CYYR1: variants seen among roughly 807,000 people sequenced by gnomAD.
CYYR1 encodes the protein cysteine and tyrosine-rich protein 1.
CYYR1 carries 14 observed loss-of-function variants against 15.2 expected under a neutral mutation model. The ratio of observed to expected loss-of-function variants is 0.92; its 90% CI spans 0.61 to 1.44. The LOEUF (loss-of-function observed/expected upper bound fraction) is 1.44. Among genes scored for constraint, CYYR1 ranks in the 40% most tolerant of loss-of-function variants. CYYR1 has a pLI of 0.00. For missense variants in CYYR1, 228 were observed against 209.5 expected (o/e 1.09, Z -0.54); for synonymous variants, 80 against 77.4 (o/e 1.03, Z -0.18).
chr21:26,483,068 C>T (rs1449879320), intron 2 of CYYR1, among the ~76,000 whole-genome samples: 8 of 151,968 alleles, frequency 5.3e-5, no homozygotes. Flanking sequence ...GATTCTCTAA[C>T]TCTTTTTTAA....
intron 3 of CYYR1, among the ~76,000 whole-genome samples, chr21:26,474,084 T>C (rs2123374728): frequency 6.6e-6 from 1 of 151,240 alleles, no homozygotes; most frequent in South Asian, 2.1e-4. Context: ...TCTTGCTCTG[T>C]TGCCCAGGCT....
chr21:26,482,130 G>T, intron 2 of CYYR1: 1 of 290,066 alleles, frequency 3.4e-6, no homozygotes, highest in Non-Finnish European at 5.1e-6. Context: ...ATTTGGGAAT[G>T]CAGATCTCTC....
At chr21:26,472,213 C>T (rs2065043927) in intron 3 of CYYR1, among the ~76,000 whole-genome samples, 1 of 152,262 alleles carries the variant, frequency 6.6e-6, no homozygotes, top group Non-Finnish European at 1.5e-5. Context: ...GCTGCATATT[C>T]TTCATAAGCT....
At chr21:26,507,301 T>A (rs1402141978) in intron 2 of CYYR1, among the ~76,000 whole-genome samples, 1 of 152,062 alleles carries the variant, frequency 6.6e-6, no homozygotes, top group Non-Finnish European at 1.5e-5. Context: ...CAATGTCCCA[T>A]CTCAGAACAT....
chr21:26,474,193 C>T (rs111570864), intron 3 of CYYR1, among the ~76,000 whole-genome samples: 3,964 of 151,498 alleles, frequency 0.026, 152 homozygotes, highest in African/African-American at 0.09. Flanking sequence ...ACTACAGGCC[C>T]ACAGGCGCCT....
chr21:26,477,117 A>T (rs1383569414), intron 3 of CYYR1, among the ~76,000 whole-genome samples: 1 of 152,096 alleles, frequency 6.6e-6, no homozygotes, highest in Non-Finnish European at 1.5e-5. Context: ...CACCTTTGCT[A>T]AATTATGCTC....
intron 2 of CYYR1, among the ~76,000 whole-genome samples, chr21:26,494,697 G>T (rs966124326): frequency 1.3e-5 from 2 of 151,872 alleles, no homozygotes; most frequent in African/African-American, 4.8e-5. Flanking sequence ...TACACAAACT[G>T]GGACATCACA....
intron 2 of CYYR1, among the ~76,000 whole-genome samples, chr21:26,542,302 T>TGC (rs1978627092): frequency 6.6e-6 from 1 of 151,262 alleles, no homozygotes; most frequent in Non-Finnish European, 1.5e-5. Context: ...TGTGTGTGTG[T>TGC]GTGTGTGTGT....
chr21:26,477,775 CT>C (rs2065123387), intron 3 of CYYR1: 1 of 984,980 alleles, frequency 1.0e-6, no homozygotes, highest in Non-Finnish European at 1.2e-6. Context: ...TGACTTTCTT[CT>C]GTTTTTCTCT....
chr21:26,490,185 A>C (rs2065309291), intron 2 of CYYR1, among the ~76,000 whole-genome samples: 1 of 152,044 alleles, frequency 6.6e-6, no homozygotes. Context: ...CTGTAGTCTC[A>C]TCTACTTGGT....
chr21:26,566,243 T>C (rs908393973), intron 2 of CYYR1, 23 bp downstream of exon 2: 9 of 1,558,804 alleles, frequency 5.8e-6, no homozygotes, highest in Admixed American at 1.7e-5. Flanking sequence ...GCATCAGTAT[T>C]GCCAAATCTG....
At chr21:26,539,823 G>GA (rs1978420167) in intron 2 of CYYR1, among the ~76,000 whole-genome samples, 1 of 152,152 alleles carries the variant, frequency 6.6e-6, no homozygotes, top group African/African-American at 2.4e-5. Flanking sequence ...CACTCAGGAG[G>GA]AAGTACAGAT....
At chr21:26,566,990 C>A (rs1289577300) in intron 1 of CYYR1, among the ~76,000 whole-genome samples, 2 of 138,918 alleles carry the variant, frequency 1.4e-5, no homozygotes, top group Non-Finnish European at 3.0e-5. Flanking sequence ...GCCTGGGCGA[C>A]ACAGTGAGGC....
intron 2 of CYYR1, among the ~76,000 whole-genome samples, chr21:26,542,182 C>T (rs1978593626): frequency 7.5e-6 from 1 of 132,650 alleles, no homozygotes. Flanking sequence ...CCCTTAAGGG[C>T]TGGGAAGATA....
At chr21:26,513,875 G>A (rs1484920513) in intron 2 of CYYR1, among the ~76,000 whole-genome samples, 1 of 143,994 alleles carries the variant, frequency 6.9e-6, no homozygotes, top group Non-Finnish European at 1.5e-5. Context: ...GAGAACACAT[G>A]GACACAGGAA....
Position 26,480,250 on chromosome 21 carries a change from G to A in CYYR1, c.334+22C>T, listed in dbSNP as rs775881703. 2.7e-5 allele frequency: 43 copies of A among 1,591,060 alleles called. No individual in the cohort carries two copies. In the South Asian group the frequency reaches 3.4e-4, roughly 13 times the overall value. ...GGATAACTAGCAAATCTGAGCCTTC[G>A]AGAGTCAACAGTTTTGCTCACCAGG... On this transcript the variant is annotated intron_variant, in intron 3 of 3. Coordinates refer to ENST00000652641, the MANE Select transcript of CYYR1 (RefSeq NM_001320768.2).
chr21:26,554,291 A>G (rs1979610469), intron 2 of CYYR1, among the ~76,000 whole-genome samples: 1 of 152,176 alleles, frequency 6.6e-6, no homozygotes, highest in South Asian at 2.1e-4. Flanking sequence ...TTAATGAATC[A>G]TTTTTAAAGC....
chr21:26,481,270 A>G (rs961271081), intron 2 of CYYR1, among the ~76,000 whole-genome samples: 7 of 152,136 alleles, frequency 4.6e-5, no homozygotes, highest in African/African-American at 1.7e-4. Context: ...GTAGCACATA[A>G]GCATAAATAC....
At chr21:26,562,504 A>G (rs1432535255) in intron 2 of CYYR1, among the ~76,000 whole-genome samples, 2 of 152,104 alleles carry the variant, frequency 1.3e-5, no homozygotes, top group Non-Finnish European at 2.9e-5. Flanking sequence ...TGACCTACAT[A>G]TTCCTACATA....
Sources: gnomAD v4.1 joint callset for allele counts (sites outside exome capture counted in the v4.1 genomes callset) on GRCh38, gnomAD v4.1.1 for gene constraint, MANE v1.5 for transcripts, NCBI Gene and HGNC (gene_info 2026-07-23, HGNC 2026-07-21) for gene names.